The following DECR1 variants were observed in gnomAD, a reference collection of about 807,000 sequenced individuals.
The protein encoded by DECR1 is 2,4-dienoyl-CoA reductase 1.
A neutral mutation model predicts 38.8 loss-of-function variants in DECR1; 44 were observed. That is an observed-to-expected ratio of 1.13 (90% CI 0.89 to 1.46). The LOEUF is 1.46. DECR1 is among the 40% of genes most tolerant of loss of function. The pLI is 0.00. For missense variants in DECR1, 428 were observed against 405.5 expected (o/e 1.06, Z -0.48); for synonymous variants, 148 against 135.2 (o/e 1.09, Z -0.66).
intron 5 of DECR1, among the ~76,000 whole-genome samples, chr8:90,025,919 T>C (rs182619937): frequency 2.1e-3 from 321 of 152,198 alleles, no homozygotes; most frequent in African/African-American, 7.1e-3. Context: ...TTATTGAGAG[T>C]TTTTAGCATG....
chr8:90,018,017 G>A (rs1813052250), intron 2 of DECR1, among the ~76,000 whole-genome samples: 1 of 152,146 alleles, frequency 6.6e-6, no homozygotes, highest in Non-Finnish European at 1.5e-5. Context: ...CTTCCGAGTA[G>A]CTGGGATTAC....
At chr8:90,022,869 C>T (rs1813200999) in intron 5 of DECR1, among the ~76,000 whole-genome samples, 2 of 152,048 alleles carry the variant, frequency 1.3e-5, no homozygotes, top group African/African-American at 2.4e-5. Flanking sequence ...AACATAGACT[C>T]TGATCTATTT....
chr8:90,027,108 C>G (rs1813366613), intron 5 of DECR1, among the ~76,000 whole-genome samples: 1 of 152,096 alleles, frequency 6.6e-6, no homozygotes, highest in Non-Finnish European at 1.5e-5. Context: ...AATTTCTGTT[C>G]TTTTACATTT....
intron 5 of DECR1, among the ~76,000 whole-genome samples, chr8:90,027,958 A>G (rs1813396066): frequency 6.6e-6 from 1 of 151,988 alleles, no homozygotes; most frequent in Admixed American, 6.6e-5. Flanking sequence ...CTAGTTATAT[A>G]TTGCTAGATT....
chr8:90,020,916 T>C lies in DECR1; in HGVS notation c.425T>C (p.Ile142Thr), dbSNP rs755755254. 10 of 1,561,968 alleles carry C rather than the reference T, an allele frequency of 6.4e-6. No individual in the cohort carries two copies. In the South Asian group the frequency reaches 1.2e-4, roughly 19 times the overall value. ...GCCTTGTTCATTTATTAGATTGTGA[T>C]AAACAATGCAGCAGGGAATTTTATT... is the stretch of plus-strand genomic sequence containing the variant. The part of the protein sequence containing the change: ...IKVAGHPNIV[I>T]NNAAGNFISP... Residue 142 changes from isoleucine to threonine, a missense_variant, in exon 5 of 10, where the codon ATA becomes ACA. Coordinates refer to ENST00000220764, the MANE Select transcript of DECR1 (RefSeq NM_001359.2).
intron 5 of DECR1, among the ~76,000 whole-genome samples, chr8:90,025,518 C>G (rs1335770621): frequency 1.3e-5 from 2 of 152,156 alleles, no homozygotes; most frequent in Non-Finnish European, 2.9e-5. Context: ...ATTTGGCTTT[C>G]TGTTTGTCTG....
intron 5 of DECR1, among the ~76,000 whole-genome samples, chr8:90,026,684 T>C (rs940482165): frequency 7.2e-5 from 11 of 152,194 alleles, no homozygotes; most frequent in African/African-American, 2.4e-4. Context: ...CTCCTGGATT[T>C]GTTGATTTTT....
intron 1 of DECR1, among the ~76,000 whole-genome samples, chr8:90,007,717 AAG>A (rs1185062044): frequency 5.9e-5 from 9 of 152,230 alleles, no homozygotes; most frequent in Non-Finnish European, 1.0e-4. Flanking sequence ...ATGACATCAA[AAG>A]AGGGGGGAAT....
intron 4 of DECR1, 104 bp downstream of exon 4, chr8:90,019,276 C>G: frequency 2.1e-6 from 2 of 943,102 alleles, no homozygotes; most frequent in South Asian, 3.0e-5. Context: ...GTAGGACAGG[C>G]AAGCCCGAAT....
In DECR1 at chr8:90,052,441, C is replaced by T. The variant is rs537589648; in HGVS notation, c.*544C>T. 2.0e-5 allele frequency among the ~76,000 whole-genome samples: 3 copies of T among 152,082 alleles called. No individual in the cohort carries two copies. The highest frequency in any genetic ancestry group is 7.2e-5 in the African/African-American group (3 of 41,406). On this transcript the variant is annotated 3_prime_UTR_variant, in exon 10 of 10. Coordinates refer to ENST00000220764, the MANE Select transcript of DECR1 (RefSeq NM_001359.2). ...TTGTAGCCAGGCATTTTATTTAGTACTGAATAAGCTATAGCCGTTGCCCTT... is the reference window on the plus strand; with the variant it reads ...TTGTAGCCAGGCATTTTATTTAGTATTGAATAAGCTATAGCCGTTGCCCTT...
intron 4 of DECR1, among the ~76,000 whole-genome samples, 193 bp from the exon 5 acceptor site, chr8:90,020,716 C>T (rs1053979371): frequency 1.7e-4 from 26 of 152,158 alleles, no homozygotes; most frequent in Non-Finnish European, 3.7e-4. Flanking sequence ...GCTTAGGATT[C>T]TGAAATTTGG....
chr8:90,043,183 A>T (rs2074595), intron 7 of DECR1, among the ~76,000 whole-genome samples: 6,501 of 152,158 alleles, frequency 0.043, 281 homozygotes, highest in East Asian at 0.19. Flanking sequence ...AAATGTAACT[A>T]TATTTTTAGT....
chr8:90,002,373 C>T (rs544446625), intron 1 of DECR1, among the ~76,000 whole-genome samples: 1 of 152,110 alleles, frequency 6.6e-6, no homozygotes, highest in Admixed American at 6.5e-5. Context: ...GGGAGAGGTC[C>T]GTCTCACACT....
chr8:90,022,552 G>A (rs1309601821), intron 5 of DECR1, among the ~76,000 whole-genome samples: 1 of 151,976 alleles, frequency 6.6e-6, no homozygotes, highest in South Asian at 2.1e-4. Flanking sequence ...AGGGGGGACA[G>A]GGAAGAGTGT....
At chr8:90,029,415 T>C (rs1190483501) in intron 5 of DECR1, 4 of 152,122 alleles carry the variant, frequency 2.6e-5, no homozygotes, top group Non-Finnish European at 5.9e-5. Context: ...CAAGGAAGCT[T>C]GAACCATATG....
At chr8:90,025,850 C>T (rs1252412735) in intron 5 of DECR1, among the ~76,000 whole-genome samples, 1 of 152,120 alleles carries the variant, frequency 6.6e-6, no homozygotes, top group Non-Finnish European at 1.5e-5. Flanking sequence ...ATGATATTGG[C>T]TCTGGGTTTG....
chr8:90,044,925 G>A lies in DECR1; in HGVS notation c.815G>A (p.Gly272Glu). The A allele has an allele frequency of 1.9e-6, 3 of 1,613,518 alleles. No homozygotes were observed. The highest frequency in any genetic ancestry group is 2.5e-6 in the Non-Finnish European group (3 of 1,179,662). Reference protein sequence around the residue: ...MIGRIPCGRLGTVEELANLAA... With the variant: ...MIGRIPCGRLETVEELANLAA... ...GGCAGAATTCCCTGTGGTCGCCTGG[G>A]GACTGTAGAAGAACTCGCAAATCTT... Residue 272 changes from glycine to glutamate, a missense_variant, in exon 8 of 10, where the codon GGG (glycine) becomes GAG (glutamate). Gly to Glu is a moderately conservative substitution (Grantham distance 98, BLOSUM62 -2). Transcript: ENST00000220764.
At chr8:90,033,574 G>T (rs1474608269) in intron 5 of DECR1, among the ~76,000 whole-genome samples, 1 of 152,148 alleles carries the variant, frequency 6.6e-6, no homozygotes, top group South Asian at 2.1e-4. Flanking sequence ...GCCGATAATT[G>T]TTTCACCTTG....
At chr8:90,043,733 A>G (rs921801171) in intron 7 of DECR1, among the ~76,000 whole-genome samples, 1 of 152,216 alleles carries the variant, frequency 6.6e-6, no homozygotes, top group Non-Finnish European at 1.5e-5. Context: ...CTTGTTGACT[A>G]TCTTATTTAT....
Sources: allele counts gnomAD v4.1 joint callset (sites outside exome capture counted in the v4.1 genomes callset), GRCh38; gene constraint gnomAD v4.1.1; transcripts MANE v1.5; gene names NCBI Gene and HGNC (gene_info 2026-07-23, HGNC 2026-07-21).